The following DGKB variants were observed in gnomAD, a reference collection of about 807,000 sequenced individuals.
DGKB encodes the protein 90 kDa diacylglycerol kinase.
A neutral mutation model predicts 114.3 loss-of-function variants in DGKB; 67 were observed. The observed-to-expected ratio is 0.59, with a 90% CI of 0.48 to 0.72. The LOEUF is 0.72. Among genes scored for constraint, DGKB ranks in the 30% least tolerant of loss-of-function variants. DGKB has a pLI of 0.00. For synonymous variants in DGKB, 398 were observed against 323.1 expected, an observed-to-expected ratio of 1.23 and a Z score of -2.49; for missense variants, 907 against 975.2, an observed-to-expected ratio of 0.93 and a Z score of 0.93.
At chr7:14,610,552 A>G (rs1805359764) in intron 16 of DGKB, among the ~76,000 whole-genome samples, 1 of 152,102 alleles carries the variant, frequency 6.6e-6, no homozygotes, top group African/African-American at 2.4e-5. Flanking sequence ...TTAAACCTAA[A>G]TTGGTTTTAT....
chr7:14,865,953 G>A (rs1681343586), intron 1 of DGKB, among the ~76,000 whole-genome samples: 1 of 152,000 alleles, frequency 6.6e-6, no homozygotes, highest in South Asian at 2.1e-4. Context: ...TGGAAAATAA[G>A]GCATTTCACT....
chr7:14,914,540 T>C (rs1299782701), intron 1 of DGKB, among the ~76,000 whole-genome samples: 1 of 152,008 alleles, frequency 6.6e-6, no homozygotes, highest in Non-Finnish European at 1.5e-5. Flanking sequence ...TTGACATAAA[T>C]GATCACACCA....
chr7:14,674,426 A>C (rs745446840), intron 12 of DGKB, among the ~76,000 whole-genome samples: 2 of 152,146 alleles, frequency 1.3e-5, no homozygotes, highest in African/African-American at 4.8e-5. Context: ...TGACTTGTTT[A>C]AAATGTATTA....
At chr7:14,858,108 C>A (rs879641473) in intron 1 of DGKB, among the ~76,000 whole-genome samples, 1 of 152,068 alleles carries the variant, frequency 6.6e-6, no homozygotes, top group Non-Finnish European at 1.5e-5. Flanking sequence ...GAGTGAGGAA[C>A]GGGTATTTGA....
chr7:14,615,400 T>C (rs1177136776), intron 15 of DGKB, among the ~76,000 whole-genome samples: 1 of 151,918 alleles, frequency 6.6e-6, no homozygotes, highest in Non-Finnish European at 1.5e-5. Flanking sequence ...TGTGAGAATA[T>C]TTATAGACAT....
rs901208634 is a variant in DGKB at position 14,148,535 on chromosome 7, C to T, written c.*596G>A. On this transcript the variant is annotated 3_prime_UTR_variant, in exon 26 of 26. Transcript: ENST00000402815. The stretch of plus-strand genomic sequence containing the variant: ...CGTTCTATTTTTCAGCATGAGAAAA[C>T]CTTATGCCTGATATTTTTATTTCCA... 2.0e-5 allele frequency: 3 copies of T among 152,360 alleles called. No homozygotes were observed. The highest frequency in any genetic ancestry group is 4.4e-5 in the Non-Finnish European group (3 of 68,020). The allele number at this position is 152,360 out of a possible 1,614,324, so 9.4% of individuals were successfully genotyped here.
intron 23 of DGKB, among the ~76,000 whole-genome samples, chr7:14,334,435 T>C (rs1397585634): frequency 1.3e-5 from 2 of 151,734 alleles, no homozygotes; most frequent in Admixed American, 1.3e-4. Flanking sequence ...TATCTATATA[T>C]GCATCTACCT....
At chr7:14,345,249 A>AAAGCTC in intron 22 of DGKB, 52 bp downstream of exon 22, 1 of 1,069,346 alleles carries the variant, frequency 9.4e-7, no homozygotes, top group Non-Finnish European at 1.4e-6. Flanking sequence ...TACTAACAAC[A>AAAGCTC]AAGCTCAAGC....
chr7:14,616,743 T>C (rs1806609434), intron 15 of DGKB, among the ~76,000 whole-genome samples: 2 of 151,864 alleles, frequency 1.3e-5, no homozygotes, highest in South Asian at 4.1e-4. Flanking sequence ...GACTCTTCCA[T>C]TGTGCTTGAG....
At chr7:14,444,656 T>G (rs551042972) in intron 21 of DGKB, among the ~76,000 whole-genome samples, 1 of 152,002 alleles carries the variant, frequency 6.6e-6, no homozygotes, top group South Asian at 2.1e-4. Flanking sequence ...GCCTTTGATA[T>G]CAGTCAGACA....
chr7:14,515,453 A>G (rs1423667059), intron 20 of DGKB, among the ~76,000 whole-genome samples: 2 of 152,206 alleles, frequency 1.3e-5, no homozygotes, highest in African/African-American at 2.4e-5. Context: ...GCTGTTACAA[A>G]TAAGTCAGAA....
chr7:14,202,536 A>T (rs1237257991), intron 23 of DGKB, among the ~76,000 whole-genome samples: 2 of 151,998 alleles, frequency 1.3e-5, no homozygotes, highest in African/African-American at 4.8e-5. Context: ...CATTATTTTT[A>T]TACTGACTTT....
At chr7:14,912,731 C>T (rs904844340) in intron 1 of DGKB, among the ~76,000 whole-genome samples, 12 of 152,052 alleles carry the variant, frequency 7.9e-5, no homozygotes, top group Admixed American at 1.3e-4. Context: ...TAGGTTTTAT[C>T]GCTTATGTCA....
intron 2 of DGKB, among the ~76,000 whole-genome samples, chr7:14,829,599 T>A (rs936846276): frequency 6.6e-6 from 1 of 152,112 alleles, no homozygotes; most frequent in African/African-American, 2.4e-5. Flanking sequence ...GAATGTCTGT[T>A]TCTCCAAGAT....
In DGKB at chr7:14,862,918, A is replaced by AT. The variant is rs533761229; in HGVS notation, c.-187-21469dup. 4.9e-3 allele frequency among the ~76,000 whole-genome samples: 742 copies of AT among 151,724 alleles called. 5 individuals are homozygous for AT. The highest frequency in any genetic ancestry group is 7.5e-3 in the Non-Finnish European group (509 of 67,814). On this transcript the variant is annotated intron_variant, in intron 1 of 25. Transcript: ENST00000402815. Reference sequence around the variant, plus strand: ...ACAAAATTTAGTATACTAACCTTTGATTTTTTTTCTCTGCTTTCCCTCTGA... The same window carrying AT: ...ACAAAATTTAGTATACTAACCTTTGATTTTTTTTTCTCTGCTTTCCCTCTGA...
At chr7:14,281,697 A>G in intron 23 of DGKB, among the ~76,000 whole-genome samples, 1 of 152,062 alleles carries the variant, frequency 6.6e-6, no homozygotes, top group Non-Finnish European at 1.5e-5. Context: ...AGAACTCAGG[A>G]TTAAGAATCT....
chr7:14,498,132 A>G (rs1414461513), intron 20 of DGKB, among the ~76,000 whole-genome samples: 1 of 151,906 alleles, frequency 6.6e-6, no homozygotes, highest in Non-Finnish European at 1.5e-5. Context: ...TGTAATTTAT[A>G]TCTATTTCTG....
intron 21 of DGKB, among the ~76,000 whole-genome samples, chr7:14,391,603 G>C (rs1020982379): frequency 6.6e-6 from 1 of 152,134 alleles, no homozygotes; most frequent in Non-Finnish European, 1.5e-5. Context: ...GGAAGCTGAG[G>C]TGAGAGGATC....
chr7:14,734,919 G>C (rs187028785), intron 5 of DGKB, among the ~76,000 whole-genome samples: 18 of 152,248 alleles, frequency 1.2e-4, no homozygotes, highest in Middle Eastern at 3.4e-3. Context: ...GAGGGCGCTA[G>C]AGAGAGACGA....
Sources: allele counts gnomAD v4.1 joint callset (sites outside exome capture counted in the v4.1 genomes callset), GRCh38; gene constraint gnomAD v4.1.1; transcripts MANE v1.5; gene names NCBI Gene and HGNC (gene_info 2026-07-23, HGNC 2026-07-21).